Variants in PPP3CB observed in about 807,000 individuals in gnomAD.
PPP3CB encodes serine/threonine-protein phosphatase 2B catalytic subunit beta isoform.
A neutral mutation model predicts 66.4 loss-of-function variants in PPP3CB; 8 were observed. That is an observed-to-expected ratio of 0.12 (90% confidence interval 0.07 to 0.22). PPP3CB has a LOEUF of 0.22. PPP3CB is among the 10% of genes least tolerant of loss of function. The pLI, the probability that PPP3CB is intolerant of heterozygous loss-of-function variation, is 1.00. For missense variants in PPP3CB, 319 were observed against 642.5 expected (o/e 0.50, Z 5.44); for synonymous variants, 208 against 221.2 (o/e 0.94, Z 0.53).
At chr10:73,478,217 T>G (rs567740912) in intron 3 of PPP3CB, among the ~76,000 whole-genome samples, 391 of 152,318 alleles carry the variant, frequency 2.6e-3, no homozygotes, top group Middle Eastern at 0.017. Context: ...ACTAAATTTT[T>G]AAGGCCACTA....
At chr10:73,446,634 AT>A in intron 10 of PPP3CB, 61 bp from the exon 11 acceptor site, 1 of 1,465,118 alleles carries the variant, frequency 6.8e-7, no homozygotes, top group Non-Finnish European at 9.6e-7. Flanking sequence ...TGCTTACAAT[AT>A]TCTATTAGCC....
intron 2 of PPP3CB, 82 bp from the exon 3 acceptor site, chr10:73,478,705 AGAC>A: frequency 8.1e-7 from 1 of 1,234,872 alleles, no homozygotes; most frequent in Non-Finnish European, 1.2e-6. Flanking sequence ...ATTTTACATA[AGAC>A]ATAGTACAAA....
intron 4 of PPP3CB, among the ~76,000 whole-genome samples, chr10:73,471,982 A>G (rs915060243): frequency 7.2e-5 from 11 of 152,322 alleles, no homozygotes; most frequent in Non-Finnish European, 8.8e-5. Flanking sequence ...TACCACAGAG[A>G]ATAAATCTTA....
chr10:73,481,635 CA>C (rs924347498), intron 1 of PPP3CB, among the ~76,000 whole-genome samples: 1,489 of 137,202 alleles, frequency 0.011, 27 homozygotes, highest in African/African-American at 0.036. Flanking sequence ...TAAAAAAAAA[CA>C]AAAAAAAAAA....
intron 12 of PPP3CB, among the ~76,000 whole-genome samples, chr10:73,440,697 C>T (rs1182253759): frequency 6.6e-6 from 1 of 152,148 alleles, no homozygotes; most frequent in Non-Finnish European, 1.5e-5. Context: ...CAGAAAAAGA[C>T]TACTGAGCAT....
At chr10:73,464,922 G>A (rs1404018589) in intron 9 of PPP3CB, among the ~76,000 whole-genome samples, 2 of 150,774 alleles carry the variant, frequency 1.3e-5, no homozygotes, top group Non-Finnish European at 2.9e-5. Flanking sequence ...ATTCCAGCCT[G>A]GGCAACTGAA....
chr10:73,437,991 C>A lies in PPP3CB; in HGVS notation c.*251G>T. The A allele has an allele frequency of 2.7e-6, 1 of 373,348 alleles. No individual in the cohort carries two copies. The highest frequency in any genetic ancestry group is 4.7e-6 in the Non-Finnish European group (1 of 210,766). The allele number at this position is 373,348 out of a possible 1,614,324, so 23.1% of individuals were successfully genotyped here. ...AGCATAAAATGGAGGTGTGGATGCC[C>A]TCCACTGGAAATTGCCCCAAGCCCC... On this transcript the variant is annotated 3_prime_UTR_variant, in exon 14 of 14. Transcript: ENST00000360663.
chr10:73,485,899 CCTGG>C (rs2056963844), intron 1 of PPP3CB, among the ~76,000 whole-genome samples: 1 of 130,400 alleles, frequency 7.7e-6, no homozygotes, highest in South Asian at 2.7e-4. Context: ...CACCACCACA[CCTGG>C]CTAATTGTGT....
intron 9 of PPP3CB, among the ~76,000 whole-genome samples, chr10:73,463,807 T>C (rs962114338): frequency 6.6e-6 from 1 of 151,852 alleles, no homozygotes; most frequent in Non-Finnish European, 1.5e-5. Flanking sequence ...CTGTAATTTT[T>C]TGTATTTTTA....
chr10:73,454,485 T>C lies in PPP3CB; in HGVS notation c.1113A>G (p.Thr371=), dbSNP rs1272969504. Residue 371 remains threonine (T), a synonymous_variant, in exon 10 of 14, where the codon ACA becomes ACG. Transcript: ENST00000360663. ...TACTCAGAACATTTACCAACATTTCTGTCACTATTTGGGAAAAAAAAGTTA... is the reference window on the plus strand; with the variant it reads ...TACTCAGAACATTTACCAACATTTCCGTCACTATTTGGGAAAAAAAAGTTA... ...WSLPFVGEKV[T]EMLVNVLSIC... The C allele has an allele frequency of 3.1e-6, 5 of 1,611,774 alleles. No individual in the cohort carries two copies. Among genetic ancestry groups the C allele is most frequent in the Admixed American group, 1.7e-5 (1 of 59,938 alleles).
chr10:73,482,580 T>TA lies in PPP3CB; in HGVS notation c.86-3064dup, dbSNP rs541821731. 1.7e-3 allele frequency among the ~76,000 whole-genome samples: 241 copies of TA among 142,874 alleles called. 2 individuals are homozygous for TA. The highest frequency in any genetic ancestry group is 5.5e-3 in the African/African-American group (216 of 39,040). The allele number at this position is 142,874 out of a possible 152,430, so 93.7% of individuals were successfully genotyped here. ...AAAAAAAAAAAAGAGACTCAGTCTCTAAAAAAAAAGCTGTGTTCTACATGA... is the reference window on the plus strand; with the variant it reads ...AAAAAAAAAAAAGAGACTCAGTCTCTAAAAAAAAAAGCTGTGTTCTACATGA... On this transcript the variant is annotated intron_variant, in intron 1 of 13. Coordinates refer to ENST00000360663, the MANE Select transcript of PPP3CB (RefSeq NM_021132.4).
intron 11 of PPP3CB, 96 bp downstream of exon 11, chr10:73,446,396 G>A (rs768512458): frequency 2.1e-4 from 240 of 1,158,888 alleles, no homozygotes; most frequent in Admixed American, 6.9e-4. Flanking sequence ...CACCATACCC[G>A]GCCCCATTTT....
intron 8 of PPP3CB, among the ~76,000 whole-genome samples, chr10:73,469,269 G>A (rs539104297): frequency 9.2e-5 from 14 of 152,326 alleles, no homozygotes; most frequent in African/African-American, 2.9e-4. Flanking sequence ...GGGCAGGGGC[G>A]CAGTGGCTCA....
At chr10:73,491,696 G>T (rs972681012) in intron 1 of PPP3CB, among the ~76,000 whole-genome samples, 1 of 152,044 alleles carries the variant, frequency 6.6e-6, no homozygotes, top group African/African-American at 2.4e-5. Flanking sequence ...GGCTAGGCAC[G>T]GTGGCTCATG....
intron 1 of PPP3CB, among the ~76,000 whole-genome samples, chr10:73,490,572 G>A (rs1481634561): frequency 6.6e-6 from 1 of 152,104 alleles, no homozygotes; most frequent in East Asian, 1.9e-4. Flanking sequence ...TGATTGGCAC[G>A]CTTTGTTTAA....
At chr10:73,457,980 G>A (rs944933185) in intron 9 of PPP3CB, among the ~76,000 whole-genome samples, 10 of 152,126 alleles carry the variant, frequency 6.6e-5, no homozygotes, top group Admixed American at 6.5e-4. Context: ...AGGGTAGAGA[G>A]GTGGGAGAGG....
At chr10:73,471,327 A>T in intron 5 of PPP3CB, 118 bp from the exon 6 acceptor site, 1 of 1,351,106 alleles carries the variant, frequency 7.4e-7, no homozygotes, top group Non-Finnish European at 1.0e-6. Flanking sequence ...GTGAATAAAC[A>T]GAAGTTATTT....
At chr10:73,478,431 C>G (rs2056825062) in intron 3 of PPP3CB, 68 bp downstream of exon 3, 2 of 1,425,450 alleles carry the variant, frequency 1.4e-6, no homozygotes, top group Admixed American at 4.4e-5. Context: ...CTTGTGAAAA[C>G]TAGGATTAAG....
intron 12 of PPP3CB, among the ~76,000 whole-genome samples, chr10:73,442,624 C>A (rs946662674): frequency 9.9e-5 from 15 of 151,524 alleles, no homozygotes; most frequent in Middle Eastern, 3.5e-3. Context: ...AATGTACATT[C>A]ATGAAATTCT....
Sources: gnomAD v4.1 joint callset for allele counts (sites outside exome capture counted in the v4.1 genomes callset) on GRCh38, gnomAD v4.1.1 for gene constraint, MANE v1.5 for transcripts, NCBI Gene and HGNC (gene_info 2026-07-23, HGNC 2026-07-21) for gene names.